The following TLE6 variants were observed in gnomAD, a reference collection of about 807,000 sequenced individuals.
TLE6 encodes transducin-like enhancer protein 6.
A neutral mutation model predicts 77.1 loss-of-function variants in TLE6; 72 were observed. The observed-to-expected ratio is 0.93, with a 90% confidence interval of 0.77 to 1.14. The LOEUF (loss-of-function observed/expected upper bound fraction) is 1.14. Among genes scored for constraint, TLE6 ranks in the 50% most tolerant of loss-of-function variants. The pLI, the probability that TLE6 is intolerant of heterozygous loss-of-function variation, is 0.00. For synonymous variants in TLE6, 366 were observed against 287.3 expected, an observed-to-expected ratio of 1.27 and a Z score of -2.77; for missense variants, 843 against 747.6, an observed-to-expected ratio of 1.13 and a Z score of -1.49.
chr19:2,979,363 C>T (rs1462645059), intron 2 of TLE6, among the ~76,000 whole-genome samples: 2 of 151,310 alleles, frequency 1.3e-5, no homozygotes, highest in African/African-American at 4.9e-5. Context: ...TCTCCTGCCT[C>T]AGCCTCCCGA....
At position 2,994,775 on chromosome 19, in the gene TLE6, G is replaced by T. The variant is rs141362400; in HGVS notation, c.1615-125G>T. On this transcript the variant is annotated intron_variant, in intron 16 of 16. Transcript: ENST00000246112. ...GCTGAGATTGCACCACTGCACTCCA[G>T]CCTGGGCAACAGAGCAAGACCCTGT... 7.1e-4 allele frequency: 404 copies of T among 569,442 alleles called. 3 individuals are homozygous for T. The African/African-American group carries it at 7.3e-3, about 10-fold the overall frequency. The allele number at this position is 569,442 out of a possible 1,614,324, so 35.3% of individuals were successfully genotyped here.
At chr19:2,994,568 C>A (rs532032071) in intron 16 of TLE6, among the ~76,000 whole-genome samples, 1 of 152,002 alleles carries the variant, frequency 6.6e-6, no homozygotes, top group Non-Finnish European at 1.5e-5. Flanking sequence ...CAAGATTGTG[C>A]CACTGCACTC....
Position 2,985,533 on chromosome 19 carries a change from C to T in TLE6, c.223-1296C>T, listed in dbSNP as rs1652958548. ...AAGCCATTCTCCTGCCTCAGCCTCC[C>T]GAGTAGCTGGGACTACAGGCACCTG... On this transcript the variant is annotated intron_variant, in intron 5 of 16. Transcript: ENST00000246112. Among the ~76,000 whole-genome samples the T allele has an allele frequency of 2.7e-5, 4 of 147,490 alleles. No homozygotes were observed. In the South Asian group the frequency reaches 6.5e-4, roughly 24 times the overall value.
In TLE6 at chr19:2,993,576, C is replaced by G. The variant is rs150039726; in HGVS notation, c.1531C>G (p.Pro511Ala). Residue 511 changes from proline to alanine, a missense_variant, in exon 15 of 17, where the codon CCC (proline) becomes GCC (alanine). Physicochemically the swap from Pro to Ala is conservative, Grantham distance 27. Transcript: ENST00000246112. ...DSVILSVKFS[P>A]FGQWWASVGM... The stretch of plus-strand genomic sequence containing the variant: ...CGTCATCCTGAGCGTCAAGTTCTCC[C>G]CCTTTGGTAAGCGGCTGGCGGAAGA... The G allele has an allele frequency of 1.3e-6, 2 of 1,559,624 alleles. No homozygotes were observed. Among genetic ancestry groups the G allele is most frequent in the African/African-American group, 2.7e-5 (2 of 73,044 alleles).
At chr19:2,994,525 G>T (rs564958959) in intron 16 of TLE6, among the ~76,000 whole-genome samples, 26 of 152,288 alleles carry the variant, frequency 1.7e-4, no homozygotes, top group African/African-American at 5.3e-4. Context: ...CAGGAGAATG[G>T]CGTGAGCCAG....
At chr19:2,991,387 T>C (rs571534851) in intron 13 of TLE6, among the ~76,000 whole-genome samples, 14,561 of 111,312 alleles carry the variant, frequency 0.13, 2,232 homozygotes, top group African/African-American at 0.42. Flanking sequence ...TATATATATA[T>C]ATATATATAC....
intron 16 of TLE6, among the ~76,000 whole-genome samples, chr19:2,994,604 T>TA (rs60469842): frequency 0.37 from 54,740 of 149,114 alleles, 11,901 homozygotes; most frequent in East Asian, 0.71. Context: ...AGACTCCATC[T>TA]AAAAAAATAA....
intron 2 of TLE6, among the ~76,000 whole-genome samples, chr19:2,979,549 T>C (rs116520964): frequency 0.048 from 7,246 of 152,070 alleles, 572 homozygotes; most frequent in African/African-American, 0.16. Flanking sequence ...GCCCGGACTT[T>C]TATTTTTAAA....
chr19:2,994,819 T>G, intron 16 of TLE6, 81 bp from the exon 17 acceptor site: 1 of 754,410 alleles, frequency 1.3e-6, no homozygotes, highest in Non-Finnish European at 2.2e-6. Context: ...GAAGAGACGA[T>G]GCTTCATGCT....
rs2145019747 is a variant in TLE6 at position 2,981,627 on chromosome 19, G to GCCC, written c.180+44_180+45insCCC. On this transcript the variant is annotated intron_variant, in intron 4 of 16. Coordinates refer to ENST00000246112, the MANE Select transcript of TLE6 (RefSeq NM_001143986.2). ...GCCCCAACCAAGGAGGGCCCCACTG[G>GCCC]GACAAGCTGAGGCCCTGGTTTCCCG... The GCCC allele has an allele frequency of 2.6e-6, 4 of 1,545,802 alleles. No individual in the cohort carries two copies. The East Asian group carries it at 9.8e-5, about 38-fold the overall frequency.
chr19:2,987,473 C>T lies in TLE6; in HGVS notation c.558+101C>T. ...CTGGGGTTCCTGTGGGATTTGTCTT[C>T]CTTCCATCCTGCCCCTCGGGTCCCC... On this transcript the variant is annotated intron_variant, in intron 8 of 16. Coordinates refer to ENST00000246112, the MANE Select transcript of TLE6 (RefSeq NM_001143986.2). 3 of 1,536,450 alleles carry T rather than the reference C, an allele frequency of 2.0e-6. No individual in the cohort carries two copies. In the South Asian group the frequency reaches 3.4e-5, roughly 17 times the overall value.
chr19:2,989,185 G>A lies in TLE6; in HGVS notation c.865G>A (p.Val289Met), dbSNP rs778249399. The A allele has an allele frequency of 3.7e-6, 6 of 1,614,024 alleles. No individual in the cohort carries two copies. Among genetic ancestry groups the A allele is most frequent in the African/African-American group, 1.3e-5 (1 of 74,950 alleles). The change falls in exon 12 of 17, where the codon GTG becomes ATG. Residue 289 changes from valine (V) to methionine (M), a missense_variant. Coordinates refer to ENST00000246112, the MANE Select transcript of TLE6 (RefSeq NM_001143986.2). ...KMRILAHGEL[V>M]LATAISSFTR... The stretch of plus-strand genomic sequence containing the variant: ...GCGGATCTTGGCACACGGGGAGCTC[G>A]TGCTCGCCACGGCCATCAGCAGCTT...
chr19:2,983,222 A>G (rs1426482950), intron 5 of TLE6, among the ~76,000 whole-genome samples: 1 of 152,154 alleles, frequency 6.6e-6, no homozygotes, highest in Non-Finnish European at 1.5e-5. Flanking sequence ...GCAGATATTT[A>G]TCCATCACCT....
In TLE6 at chr19:2,987,010, G is replaced by A; in HGVS notation, c.313G>A (p.Gly105Arg). ...EVSPAEPASP[G>R]TPQQVKDKTL... ...CTCACCTGCTGAACCAGCCAGCCCT[G>A]GGACGCCCCAGCAGGTGAAGGACAA... Residue 105 changes from glycine (G) to arginine (R), a missense_variant, in exon 7 of 17, where the codon GGG becomes AGG. Physicochemically the swap from Gly to Arg is moderately radical, Grantham distance 125. Coordinates refer to ENST00000246112, the MANE Select transcript of TLE6 (RefSeq NM_001143986.2). The A allele has an allele frequency of 6.2e-7, 1 of 1,613,288 alleles. No individual in the cohort carries two copies. Among genetic ancestry groups the A allele is most frequent in the Non-Finnish European group, 8.5e-7 (1 of 1,179,394 alleles).
chr19:2,989,013 A>T (rs1192665457), intron 11 of TLE6, 48 bp from the exon 12 acceptor site: 1 of 1,602,642 alleles, frequency 6.2e-7, no homozygotes, highest in African/African-American at 1.3e-5. Flanking sequence ...CCCACTGGGC[A>T]AAGGGGCTCA....
intron 4 of TLE6, among the ~76,000 whole-genome samples, 169 bp from the exon 5 acceptor site, chr19:2,981,979 A>C (rs780482217): frequency 6.6e-6 from 1 of 152,170 alleles, no homozygotes; most frequent in Non-Finnish European, 1.5e-5. Context: ...AGGAAAAAAA[A>C]GGTAGGGACC....
chr19:2,991,906 T>G lies in TLE6; in HGVS notation c.1308T>G (p.Thr436=), dbSNP rs769593514. The change falls in exon 14 of 17, where the codon ACT becomes ACG. Residue 436 remains threonine, a synonymous_variant. Coordinates refer to ENST00000246112, the MANE Select transcript of TLE6 (RefSeq NM_001143986.2). ...SIVVKGYNIW[T]GGPDACLRCW... ...TGGTCAAGGGCTACAACATCTGGAC[T>G]GGGGGTCCGGATGCCTGTCTGCGGT... 9 of 1,613,564 alleles carry G rather than the reference T, an allele frequency of 5.6e-6. No homozygotes were observed. In the African/African-American group the frequency reaches 9.4e-5, roughly 17 times the overall value.
chr19:2,987,056 T>C lies in TLE6; in HGVS notation c.359T>C (p.Phe120Ser). Residue 120 changes from phenylalanine to serine, a missense_variant, in exon 7 of 17, where the codon TTT becomes TCT. Transcript: ENST00000246112. Reference protein sequence around the residue: ...VKDKTLQESSFEDIMATRSSD... With the variant: ...VKDKTLQESSSEDIMATRSSD... ...GACAAGACCCTGCAGGAGTCGAGCTTTGAGGACATCATGGCCACCAGGTCC... is the reference window on the plus strand; with the variant it reads ...GACAAGACCCTGCAGGAGTCGAGCTCTGAGGACATCATGGCCACCAGGTCC... 17 of 1,614,104 alleles carry C rather than the reference T, an allele frequency of 1.1e-5. No homozygotes were observed. The highest frequency in any genetic ancestry group is 1.4e-5 in the Non-Finnish European group (17 of 1,179,986).
chr19:2,979,843 A>G (rs918923951), intron 2 of TLE6, among the ~76,000 whole-genome samples: 1 of 151,410 alleles, frequency 6.6e-6, no homozygotes, highest in Non-Finnish European at 1.5e-5. Flanking sequence ...GGGCGCATGT[A>G]ATCCCAGCTA....
Sources: allele counts gnomAD v4.1 joint callset (sites outside exome capture counted in the v4.1 genomes callset), GRCh38; gene constraint gnomAD v4.1.1; transcripts MANE v1.5; gene names NCBI Gene and HGNC (gene_info 2026-07-23, HGNC 2026-07-21).